ZNF200: variants seen among roughly 807,000 people sequenced by gnomAD.
ZNF200 encodes the protein zinc finger protein 200.
ZNF200 carries 35 observed loss-of-function variants against 33.6 expected under a neutral mutation model. The ratio of observed to expected loss-of-function variants is 1.04; its 90% CI spans 0.80 to 1.38. ZNF200 has a LOEUF of 1.38. ZNF200 is among the 40% of genes most tolerant of loss of function. The pLI, the probability that ZNF200 is intolerant of heterozygous loss-of-function variation, is 0.00. For synonymous variants in ZNF200, 209 were observed against 167.7 expected, an observed-to-expected ratio of 1.25 and a Z score of -1.90; for missense variants, 592 against 470.6, an observed-to-expected ratio of 1.26 and a Z score of -2.39.
At chr16:3,226,251 A>G (rs1247945790) in intron 4 of ZNF200, 1 of 151,630 alleles carries the variant, frequency 6.6e-6, no homozygotes, top group Non-Finnish European at 1.5e-5. Context: ...AGAGGGTTTC[A>G]TCGTGTTAGC....
chr16:3,232,635 G>C (rs1958665742), intron 3 of ZNF200, 88 bp from the exon 4 acceptor site: 3 of 1,566,332 alleles, frequency 1.9e-6, no homozygotes, highest in Non-Finnish European at 1.7e-6. Flanking sequence ...CAAAGATCAA[G>C]GGAAGGGATA....
At chr16:3,226,578 T>C (rs1035033618) in intron 4 of ZNF200, 2 of 152,232 alleles carry the variant, frequency 1.3e-5, no homozygotes. Flanking sequence ...AATAATCTAC[T>C]GGGTTAAGGC....
Position 3,233,801 on chromosome 16 carries a change from C to T in ZNF200, c.-46G>A, listed in dbSNP as rs916072467. The T allele has an allele frequency of 1.3e-5, 21 of 1,561,402 alleles. No individual in the cohort carries two copies. Among genetic ancestry groups the T allele is most frequent in the Admixed American group, 1.8e-5 (1 of 54,420 alleles). On this transcript the variant is annotated 5_prime_UTR_variant, in exon 2 of 5. Transcript: ENST00000414144. ...ACTCGTTTCGCGGGGCCTCCAGAGC[C>T]ACCTCTTACTAGAGGAAATCTGCCA...
rs778209935 is a variant in ZNF200, at chr16:3,224,228, G to A, written c.852C>T (p.His284=). The part of the protein sequence containing the change: ...HTGEKPYDCN[H]CGKSFNHKTN... Reference sequence around the variant, plus strand: ...TTTTATGATTGAAGCTTTTCCCACAGTGATTACAGTCATAGGGTTTTTCTC... The same window carrying A: ...TTTTATGATTGAAGCTTTTCCCACAATGATTACAGTCATAGGGTTTTTCTC... Residue 284 remains histidine, a synonymous_variant, in exon 5 of 5, where the codon CAC becomes CAT. Transcript: ENST00000414144. 6 of 1,614,160 alleles carry A rather than the reference G, an allele frequency of 3.7e-6. No individual in the cohort carries two copies. The South Asian group carries it at 4.4e-5, about 12-fold the overall frequency.
rs1045856743 is a variant in ZNF200 at position 3,229,611 on chromosome 16, G to A, written c.466+2810C>T. On this transcript the variant is annotated intron_variant, in intron 4 of 4. Transcript: ENST00000414144. ...ATGCTAGGAAAATTTCCAGAGTATA[G>A]AAAAAGAAGGTTGGGAGGCCAAGGC... is the stretch of plus-strand genomic sequence containing the variant. Among the ~76,000 whole-genome samples the A allele has an allele frequency of 5.9e-5, 9 of 152,102 alleles. No homozygotes were observed. The East Asian group carries it at 1.5e-3, about 26-fold the overall frequency.
rs950317331 is a variant in ZNF200, at chr16:3,233,813, G to A, written c.-58C>T. 1 of 1,535,644 alleles carries A rather than the reference G, an allele frequency of 6.5e-7. No homozygotes were observed. Among genetic ancestry groups the A allele is most frequent in the Admixed American group, 2.0e-5 (1 of 48,932 alleles). On this transcript the variant is annotated 5_prime_UTR_variant, in exon 2 of 5. Coordinates refer to ENST00000414144, the MANE Select transcript of ZNF200 (RefSeq NM_198088.3). ...GGGCCTCCAGAGCCACCTCTTACTA[G>A]AGGAAATCTGCCAGAGAGCCAAGCT... is the stretch of plus-strand genomic sequence containing the variant.
intron 4 of ZNF200, 81 bp downstream of exon 4, chr16:3,232,340 C>T (rs1324718859): frequency 4.7e-6 from 7 of 1,481,106 alleles, no homozygotes; most frequent in African/African-American, 1.4e-5. Flanking sequence ...AGGTGTGAAT[C>T]GTCCCCCAAA....
chr16:3,224,951 A>G (rs1305204598), intron 4 of ZNF200: 1 of 226,486 alleles, frequency 4.4e-6, no homozygotes, highest in Non-Finnish European at 8.8e-6. Context: ...AGGGATGAAG[A>G]CTATACATCT....
chr16:3,231,373 T>A (rs1193929688), intron 4 of ZNF200, among the ~76,000 whole-genome samples: 1 of 152,220 alleles, frequency 6.6e-6, no homozygotes, highest in Non-Finnish European at 1.5e-5. Flanking sequence ...CCATACGGTA[T>A]AATTACAGCT....
intron 4 of ZNF200, among the ~76,000 whole-genome samples, chr16:3,228,209 G>C (rs1165809804): frequency 1.3e-5 from 2 of 152,018 alleles, no homozygotes; most frequent in Non-Finnish European, 2.9e-5. Flanking sequence ...ATTTATATAT[G>C]TGAAAGCCAA....
chr16:3,225,170 G>A (rs1008188497), intron 4 of ZNF200: 1 of 152,512 alleles, frequency 6.6e-6, no homozygotes, highest in African/African-American at 2.4e-5. Flanking sequence ...TATTGGCCAG[G>A]CGTGGTGGCT....
At chr16:3,230,700 A>G (rs1958612292) in intron 4 of ZNF200, among the ~76,000 whole-genome samples, 1 of 152,178 alleles carries the variant, frequency 6.6e-6, no homozygotes, top group Non-Finnish European at 1.5e-5. Context: ...GTTAAATGTT[A>G]CTGTTTCAAT....
Position 3,233,853 on chromosome 16 carries a change from C to G in ZNF200, c.-81-17G>C, listed in dbSNP as rs1305696810. The G allele has an allele frequency of 6.6e-7, 1 of 1,506,146 alleles. No homozygotes were observed. Among genetic ancestry groups the G allele is most frequent in the South Asian group, 1.4e-5 (1 of 73,800 alleles). The allele number at this position is 1,506,146 out of a possible 1,614,324, so 93.3% of individuals were successfully genotyped here. A position where few individuals can be genotyped will look rare whatever the true frequency, so the allele number is the denominator to read the frequency against. On this transcript the variant is annotated splice_polypyrimidine_tract_variant and intron_variant, in intron 1 of 4. Coordinates refer to ENST00000414144, the MANE Select transcript of ZNF200 (RefSeq NM_198088.3). ...AGAGCCAAGCTGTAGACAGAGAAACCAGGGATTACCCAAAAGACCAGGCAC... is the reference window on the plus strand; with the variant it reads ...AGAGCCAAGCTGTAGACAGAGAAACGAGGGATTACCCAAAAGACCAGGCAC...
At chr16:3,233,475 T>C in intron 2 of ZNF200, 31 bp downstream of exon 2, 1 of 1,501,644 alleles carries the variant, frequency 6.7e-7, no homozygotes, top group Non-Finnish European at 8.9e-7. Context: ...CTCCTCCTCC[T>C]CTTCTAGTGA....
intron 4 of ZNF200, chr16:3,226,699 A>G (rs2141622136): frequency 6.6e-6 from 1 of 152,324 alleles, no homozygotes; most frequent in South Asian, 2.1e-4. Flanking sequence ...TTTACAAACA[A>G]TACCACAGTG....
intron 4 of ZNF200, among the ~76,000 whole-genome samples, chr16:3,232,115 T>C (rs180854468): frequency 1.3e-5 from 2 of 152,254 alleles, no homozygotes; most frequent in Admixed American, 1.3e-4. Flanking sequence ...AACATTCAAA[T>C]ATACCTGTTG....
intron 1 of ZNF200, 128 bp from the exon 2 acceptor site, chr16:3,233,964 A>C: frequency 1.6e-6 from 1 of 614,042 alleles, no homozygotes; most frequent in Non-Finnish European, 2.6e-6. Context: ...GGAAATCATA[A>C]CTGAAACGCA....
rs529912395 is a variant in ZNF200, at chr16:3,229,313, T to A, written c.466+3108A>T. Reference sequence around the variant, plus strand: ...AGCTCATGGCTGTAAAAACATGTATTAATTTAGAAAAATGAGAATAATAAA... The same window carrying A: ...AGCTCATGGCTGTAAAAACATGTATAAATTTAGAAAAATGAGAATAATAAA... On this transcript the variant is annotated intron_variant, in intron 4 of 4. Transcript: ENST00000414144. Among the ~76,000 whole-genome samples the A allele has an allele frequency of 2.6e-5, 4 of 152,216 alleles. No individual in the cohort carries two copies. In the South Asian group the frequency reaches 8.3e-4, roughly 32 times the overall value.
chr16:3,230,974 A>G (rs401298), intron 4 of ZNF200, among the ~76,000 whole-genome samples: 107,646 of 152,178 alleles, frequency 0.71, 39,371 homozygotes, highest in African/African-American at 0.89. Flanking sequence ...AAATTGGAAG[A>G]TTACAAAAGG....
Sources: gnomAD v4.1 joint callset for allele counts (sites outside exome capture counted in the v4.1 genomes callset) on GRCh38, gnomAD v4.1.1 for gene constraint, MANE v1.5 for transcripts, NCBI Gene and HGNC (gene_info 2026-07-23, HGNC 2026-07-21) for gene names.